The following IL18 variants were observed in gnomAD, a reference collection of about 807,000 sequenced individuals.
The protein encoded by IL18 is interleukin-18.
In IL18, 8 loss-of-function variants were observed where a neutral mutation model predicts 14.2. The observed-to-expected ratio is 0.56, with a 90% CI of 0.33 to 1.01. The LOEUF (loss-of-function observed/expected upper bound fraction) is 1.01. IL18 is among the 50% of genes least tolerant of loss of function. The pLI, the probability that IL18 is intolerant of heterozygous loss-of-function variation, is 0.03. For synonymous variants in IL18, 67 were observed against 71.0 expected, an observed-to-expected ratio of 0.94 and a Z score of 0.28; for missense variants, 166 against 231.1, an observed-to-expected ratio of 0.72 and a Z score of 1.83.
chr11:112,159,220 C>T (rs967628548), intron 1 of IL18, among the ~76,000 whole-genome samples: 1 of 151,926 alleles, frequency 6.6e-6, no homozygotes, highest in Non-Finnish European at 1.5e-5. Flanking sequence ...GGTGTGGTGG[C>T]ACATACCTGT....
chr11:112,157,880 A>C (rs189274297), intron 1 of IL18, among the ~76,000 whole-genome samples: 2 of 152,286 alleles, frequency 1.3e-5, no homozygotes, highest in South Asian at 4.1e-4. Flanking sequence ...TTTTGGATAC[A>C]GAGTTTCGCT....
At chr11:112,149,212 A>G (rs1592809561) in intron 4 of IL18, among the ~76,000 whole-genome samples, 1 of 152,158 alleles carries the variant, frequency 6.6e-6, no homozygotes, top group Middle Eastern at 3.4e-3. Context: ...GAATCGCTTG[A>G]ACGTGGGAGG....
At chr11:112,157,640 A>G (rs1194448179) in intron 1 of IL18, among the ~76,000 whole-genome samples, 1 of 152,204 alleles carries the variant, frequency 6.6e-6, no homozygotes, top group Non-Finnish European at 1.5e-5. Context: ...GAAAGTGATG[A>G]CTGTGCTACC....
chr11:112,148,074 G>A (rs1294233594), intron 5 of IL18, among the ~76,000 whole-genome samples: 1 of 152,154 alleles, frequency 6.6e-6, no homozygotes, highest in Admixed American at 6.5e-5. Flanking sequence ...TATTCAATTA[G>A]ATTAACATTA....
chr11:112,154,598 T>C (rs1048624692), intron 2 of IL18, among the ~76,000 whole-genome samples: 4 of 152,222 alleles, frequency 2.6e-5, no homozygotes, highest in African/African-American at 4.8e-5. Flanking sequence ...AGAGAATCTC[T>C]TACATAATTT....
In IL18 at chr11:112,150,225, C is replaced by G. The variant is rs758475816; in HGVS notation, c.92-19G>C. Reference sequence around the variant, plus strand: ...AGGTTTTCTACAATAAACATTAAATCTCATTTAAAAATACATAGTTTCTTT... The same window carrying G: ...AGGTTTTCTACAATAAACATTAAATGTCATTTAAAAATACATAGTTTCTTT... On this transcript the variant is annotated intron_variant, in intron 3 of 5. Coordinates refer to ENST00000280357, the MANE Select transcript of IL18 (RefSeq NM_001562.4). The G allele has an allele frequency of 5.4e-6, 8 of 1,474,972 alleles. No homozygotes were observed. The African/African-American group carries it at 1.1e-4, about 21-fold the overall frequency. The allele number at this position is 1,474,972 out of a possible 1,614,324, so 91.4% of individuals were successfully genotyped here. A position where few individuals can be genotyped will look rare whatever the true frequency, so the allele number is the denominator to read the frequency against.
At chr11:112,155,913 C>A (rs1463377678) in intron 1 of IL18, among the ~76,000 whole-genome samples, 2 of 152,052 alleles carry the variant, frequency 1.3e-5, no homozygotes, top group Non-Finnish European at 2.9e-5. Context: ...GGAAACAAAC[C>A]ACAGTATTAT....
At chr11:112,145,733 C>A (rs568189363) in intron 5 of IL18, among the ~76,000 whole-genome samples, 5 of 146,478 alleles carry the variant, frequency 3.4e-5, no homozygotes, top group African/African-American at 1.3e-4. Flanking sequence ...AGCGAGACTC[C>A]GTTTCAAAAA....
At chr11:112,149,291 A>C (rs976253489) in intron 4 of IL18, among the ~76,000 whole-genome samples, 1 of 151,964 alleles carries the variant, frequency 6.6e-6, no homozygotes, top group African/African-American at 2.4e-5. Flanking sequence ...GACAGAGTGA[A>C]ACTGCATCTC....
intron 5 of IL18, among the ~76,000 whole-genome samples, chr11:112,145,088 G>A (rs977793713): frequency 1.3e-5 from 2 of 149,306 alleles, no homozygotes; most frequent in Non-Finnish European, 3.0e-5. Context: ...CACTGATAGA[G>A]AAACCTCCAA....
At chr11:112,160,819 C>G (rs1866619023) in intron 1 of IL18, among the ~76,000 whole-genome samples, 1 of 151,978 alleles carries the variant, frequency 6.6e-6, no homozygotes, top group Non-Finnish European at 1.5e-5. Flanking sequence ...TCCATTTTTC[C>G]CTAGTAGTTT....
At chr11:112,162,545 A>G (rs1866650482) in intron 1 of IL18, among the ~76,000 whole-genome samples, 1 of 151,916 alleles carries the variant, frequency 6.6e-6, no homozygotes, top group Non-Finnish European at 1.5e-5. Flanking sequence ...GGTTTTTGCC[A>G]TGTTGCCCAG....
At chr11:112,155,323 T>A (rs1264166629) in intron 1 of IL18, among the ~76,000 whole-genome samples, 3 of 152,216 alleles carry the variant, frequency 2.0e-5, no homozygotes, top group Non-Finnish European at 2.9e-5. Flanking sequence ...AGTACTGAAC[T>A]GAATCATTAT....
intron 5 of IL18, among the ~76,000 whole-genome samples, chr11:112,145,726 G>A (rs768005557): frequency 4.6e-5 from 7 of 151,410 alleles, no homozygotes; most frequent in Non-Finnish European, 8.8e-5. Context: ...GCGACAGAGC[G>A]AGACTCCGTT....
At chr11:112,150,418 T>C (rs1196810053) in intron 3 of IL18, 3 of 447,210 alleles carry the variant, frequency 6.7e-6, no homozygotes, top group Non-Finnish European at 1.2e-5. Context: ...CTCTGAAGTG[T>C]TAACTTCAAA....
intron 3 of IL18, among the ~76,000 whole-genome samples, chr11:112,152,304 T>G (rs1004352718): frequency 6.6e-6 from 1 of 152,140 alleles, no homozygotes; most frequent in Non-Finnish European, 1.5e-5. Context: ...TTCTCTCAAG[T>G]GTTTCTAAAA....
intron 1 of IL18, among the ~76,000 whole-genome samples, chr11:112,155,670 C>T (rs1416475749): frequency 6.6e-6 from 1 of 152,176 alleles, no homozygotes. Context: ...ACAAGTAATA[C>T]ATAAATACAA....
intron 1 of IL18, among the ~76,000 whole-genome samples, chr11:112,155,767 G>T (rs1176089573): frequency 6.6e-6 from 1 of 152,086 alleles, no homozygotes; most frequent in African/African-American, 2.4e-5. Flanking sequence ...TTCCAATACG[G>T]TGTGCAGGCT....
intron 1 of IL18, among the ~76,000 whole-genome samples, chr11:112,162,411 A>G (rs1401543375): frequency 1.3e-5 from 2 of 150,048 alleles, no homozygotes; most frequent in African/African-American, 4.9e-5. Context: ...CACAGCAAAC[A>G]TGGCTCACTG....
Sources: allele counts gnomAD v4.1 joint callset (sites outside exome capture counted in the v4.1 genomes callset), GRCh38; gene constraint gnomAD v4.1.1; transcripts MANE v1.5; gene names NCBI Gene and HGNC (gene_info 2026-07-23, HGNC 2026-07-21).